RBFOX1: variants seen among roughly 807,000 people sequenced by gnomAD.
The protein encoded by RBFOX1 is RNA binding protein fox-1 homolog 1.
Under a neutral mutation model 57.7 loss-of-function variants are expected in RBFOX1, and 8 were observed. That is an observed-to-expected ratio of 0.14 (90% CI 0.08 to 0.25). The LOEUF is 0.25. RBFOX1 is among the 10% of genes least tolerant of loss of function. The probability of loss-of-function intolerance (pLI) is 1.00; values close to 1 mark genes in which losing one functional copy is unlikely to be tolerated. For synonymous variants in RBFOX1, 326 were observed against 222.4 expected (o/e 1.47, Z -4.15); for missense variants, 611 against 548.5 (o/e 1.11, Z -1.14).
chr16:6,909,986 C>T (rs1014692218), intron 3 of RBFOX1, among the ~76,000 whole-genome samples: 2 of 152,028 alleles, frequency 1.3e-5, no homozygotes, highest in African/African-American at 4.8e-5. Flanking sequence ...AGGCAGATCT[C>T]TCTTGAAAGG....
chr16:6,641,846 T>G (rs1026677098), intron 2 of RBFOX1, among the ~76,000 whole-genome samples: 5 of 150,566 alleles, frequency 3.3e-5, no homozygotes, highest in Non-Finnish European at 7.4e-5. Flanking sequence ...CTCGCTAACG[T>G]GTTTCCTTCT....
At chr16:6,679,821 G>A (rs898060359) in intron 3 of RBFOX1, among the ~76,000 whole-genome samples, 8 of 150,062 alleles carry the variant, frequency 5.3e-5, no homozygotes, top group Non-Finnish European at 1.5e-5. Flanking sequence ...CATCAGAGAT[G>A]CAGAGAAAGG....
At chr16:7,599,498 C>G (rs769780542) in intron 9 of RBFOX1, among the ~76,000 whole-genome samples, 12 of 152,104 alleles carry the variant, frequency 7.9e-5, no homozygotes, top group Admixed American at 2.6e-4. Context: ...AATAACTAGC[C>G]TTTCTGGAAT....
intron 3 of RBFOX1, among the ~76,000 whole-genome samples, chr16:7,027,039 C>A (rs2041169762): frequency 6.6e-6 from 1 of 152,134 alleles, no homozygotes; most frequent in African/African-American, 2.4e-5. Flanking sequence ...CCTCCATTCT[C>A]CCTGAACAAT....
chr16:5,247,738 C>A (rs1298505971), intron 1 of RBFOX1, among the ~76,000 whole-genome samples: 1 of 151,790 alleles, frequency 6.6e-6, no homozygotes, highest in East Asian at 1.9e-4. Flanking sequence ...ACCATCTGGC[C>A]CTCGAGAGAA....
At chr16:5,803,916 C>A (rs1476247124) in intron 3 of RBFOX1, among the ~76,000 whole-genome samples, 2 of 152,198 alleles carry the variant, frequency 1.3e-5, no homozygotes, top group African/African-American at 4.8e-5. Context: ...ACTGCTCTCT[C>A]TGCCTGGAAT....
At chr16:6,273,336 G>GT (rs2075419798) in intron 1 of RBFOX1, among the ~76,000 whole-genome samples, 1 of 127,326 alleles carries the variant, frequency 7.9e-6, no homozygotes, top group South Asian at 2.7e-4. Flanking sequence ...GTTTGTTGTT[G>GT]TTGGTTTTTT....
At chr16:6,160,878 C>G (rs2096873249) in intron 1 of RBFOX1, among the ~76,000 whole-genome samples, 1 of 152,186 alleles carries the variant, frequency 6.6e-6, no homozygotes, top group African/African-American at 2.4e-5. Context: ...CTCAGACAGC[C>G]TTTTCTGAGA....
chr16:6,300,343 A>C (rs2078665493), intron 1 of RBFOX1, among the ~76,000 whole-genome samples: 1 of 152,194 alleles, frequency 6.6e-6, no homozygotes, highest in African/African-American at 2.4e-5. Flanking sequence ...TCACCACAAA[A>C]AAGATAAGTA....
At chr16:7,206,650 A>G (rs1298844761) in intron 4 of RBFOX1, among the ~76,000 whole-genome samples, 2 of 152,042 alleles carry the variant, frequency 1.3e-5, no homozygotes, top group African/African-American at 4.8e-5. Context: ...TCCCTCAGCT[A>G]GATTAGTTTT....
chr16:7,163,335 A>G (rs940969991), intron 4 of RBFOX1, among the ~76,000 whole-genome samples: 7 of 152,178 alleles, frequency 4.6e-5, no homozygotes, highest in African/African-American at 1.7e-4. Flanking sequence ...TAACCTTATC[A>G]ATCCAGAGCA....
chr16:6,817,158 C>G (rs1037881555), intron 3 of RBFOX1, among the ~76,000 whole-genome samples: 2 of 152,142 alleles, frequency 1.3e-5, no homozygotes, highest in African/African-American at 4.8e-5. Context: ...TGAGTAAAGG[C>G]TGATCCCTTG....
intron 3 of RBFOX1, among the ~76,000 whole-genome samples, chr16:6,994,259 C>G (rs1196065925): frequency 1.3e-5 from 2 of 152,172 alleles, no homozygotes; most frequent in Non-Finnish European, 2.9e-5. Context: ...ACAGTTTTAT[C>G]TAATGGAATT....
intron 2 of RBFOX1, among the ~76,000 whole-genome samples, chr16:6,495,456 C>T (rs969392675): frequency 6.6e-6 from 1 of 151,954 alleles, no homozygotes; most frequent in African/African-American, 2.4e-5. Flanking sequence ...GATGATGTCC[C>T]CACTTTCGTA....
At chr16:7,568,860 C>G (rs976554545) in intron 5 of RBFOX1, among the ~76,000 whole-genome samples, 22 of 116,988 alleles carry the variant, frequency 1.9e-4, no homozygotes, top group African/African-American at 6.9e-4. Flanking sequence ...GCACTCCAGC[C>G]TGGGTGATAG....
At chr16:5,427,941 A>T (rs998798985) in intron 1 of RBFOX1, among the ~76,000 whole-genome samples, 3 of 152,234 alleles carry the variant, frequency 2.0e-5, no homozygotes, top group Non-Finnish European at 4.4e-5. Context: ...TCACAGGTAG[A>T]GTCAGCACCC....
chr16:6,347,281 C>T (rs569829992), intron 2 of RBFOX1, among the ~76,000 whole-genome samples: 3 of 152,300 alleles, frequency 2.0e-5, no homozygotes, highest in East Asian at 3.9e-4. Context: ...AGATGGTTCT[C>T]ATCCTCAACC....
intron 4 of RBFOX1, among the ~76,000 whole-genome samples, chr16:7,338,242 T>A (rs2096829972): frequency 1.3e-5 from 2 of 151,582 alleles, no homozygotes; most frequent in Non-Finnish European, 2.9e-5. Flanking sequence ...TTACCGTTTC[T>A]ATGCCTTCTT....
intron 3 of RBFOX1, among the ~76,000 whole-genome samples, chr16:6,866,014 G>T (rs757017222): frequency 8.6e-5 from 13 of 151,912 alleles, no homozygotes; most frequent in Non-Finnish European, 1.9e-4. Context: ...GAGTAATATT[G>T]GCTAGCACAT....
Sources: gnomAD v4.1 joint callset for allele counts (sites outside exome capture counted in the v4.1 genomes callset) on GRCh38, gnomAD v4.1.1 for gene constraint, MANE v1.5 for transcripts, NCBI Gene and HGNC (gene_info 2026-07-23, HGNC 2026-07-21) for gene names.